SIAH1: variants seen among roughly 807,000 people sequenced by gnomAD.
SIAH1 encodes the protein E3 ubiquitin-protein ligase SIAH1.
SIAH1 carries 2 observed loss-of-function variants against 20.0 expected under a neutral mutation model. That is an observed-to-expected ratio of 0.10 (90% CI 0.04 to 0.31). The LOEUF (loss-of-function observed/expected upper bound fraction) is 0.31. SIAH1 is among the 10% of genes least tolerant of loss of function. SIAH1 has a pLI of 1.00. For synonymous variants in SIAH1, 118 were observed against 125.3 expected (o/e 0.94, Z 0.39); for missense variants, 119 against 355.3 (o/e 0.33, Z 5.35).
At chr16:48,385,018 A>AGGGGCGG (rs1218360480) in intron 1 of SIAH1, among the ~76,000 whole-genome samples, 186 bp downstream of exon 1, 1 of 146,408 alleles carries the variant, frequency 6.8e-6, no homozygotes, top group Non-Finnish European at 1.5e-5. Flanking sequence ...AAGGCAGGGG[A>AGGGGCGG]GGGGCGGGGG....
chr16:48,381,778 G>A (rs772465074), intron 1 of SIAH1, among the ~76,000 whole-genome samples: 2 of 152,176 alleles, frequency 1.3e-5, no homozygotes, highest in African/African-American at 2.4e-5. Flanking sequence ...GAAGTCAGAG[G>A]ATTTCTAGGG....
intron 1 of SIAH1, among the ~76,000 whole-genome samples, chr16:48,371,187 G>A (rs1960979031): frequency 6.6e-6 from 1 of 152,062 alleles, no homozygotes; most frequent in East Asian, 1.9e-4. Flanking sequence ...AGGCTGAAGA[G>A]GGAGGATCAG....
chr16:48,375,398 G>A (rs1265088042), intron 1 of SIAH1, among the ~76,000 whole-genome samples: 1 of 152,224 alleles, frequency 6.6e-6, no homozygotes, highest in Admixed American at 6.5e-5. Context: ...CAGCAACTTT[G>A]GGAGGCTGAG....
chr16:48,381,411 C>G (rs969752466), intron 1 of SIAH1, among the ~76,000 whole-genome samples: 3 of 152,142 alleles, frequency 2.0e-5, no homozygotes, highest in African/African-American at 4.8e-5. Flanking sequence ...TGGCATTTAC[C>G]CAAAGGAGTT....
At chr16:48,365,457 T>A (rs750493783) in intron 1 of SIAH1, 1 of 1,613,750 alleles carries the variant, frequency 6.2e-7, no homozygotes. Flanking sequence ...ACAGAGAAGG[T>A]GGAGTAGCCT....
Position 48,362,392 on chromosome 16 carries a change from T to A in SIAH1, c.37A>T (p.Thr13Ser), listed in dbSNP as rs773561407. The A allele has an allele frequency of 1.9e-6, 3 of 1,614,166 alleles. No individual in the cohort carries two copies. The highest frequency in any genetic ancestry group is 1.7e-5 in the Admixed American group (1 of 60,020). ...CTCTGGGATGGTGGACACTTCGAGG[T>A]ACCGGTAGGTAATGCTGTAGCAGTC... ...RQTATALPTG[T>S]SKCPPSQRVP... The change falls in exon 2 of 2, where the codon ACC (threonine) becomes TCC (serine). Residue 13 changes from threonine to serine, a missense_variant. Physicochemically the swap from Thr to Ser is moderately conservative, Grantham distance 58. This residue lies in a region of SIAH1 where 35 missense variants were observed against 47.5 expected (regional missense o/e 0.74). Coordinates refer to ENST00000394725, the MANE Select transcript of SIAH1 (RefSeq NM_003031.4). The surrounding 1 kb of genome is among the most constrained non-coding windows in gnomAD (Gnocchi z 4.2).
At chr16:48,365,539 T>G (rs1960803117) in intron 1 of SIAH1, 6 of 1,573,928 alleles carry the variant, frequency 3.8e-6, no homozygotes, top group Middle Eastern at 4.2e-4. Flanking sequence ...CCTCCTGGGC[T>G]CTTTCTGCTC....
At chr16:48,375,775 G>A (rs1190286768) in intron 1 of SIAH1, among the ~76,000 whole-genome samples, 1 of 152,238 alleles carries the variant, frequency 6.6e-6, no homozygotes, top group East Asian at 1.9e-4. Context: ...ATATTTTCAT[G>A]TATGTATGCA....
At chr16:48,385,949 G>C (rs1357492518), upstream of SIAH1, among the ~76,000 whole-genome samples, 2 of 152,188 alleles carry the variant, frequency 1.3e-5, no homozygotes, top group African/African-American at 4.8e-5. Context: ...GAGAGTCCCA[G>C]CCTCTCCCGA....
rs921725721 is a variant in SIAH1 at position 48,383,226 on chromosome 16, GA to G, written c.-3+1977del. Among the ~76,000 whole-genome samples, 16 of 149,726 alleles carry G rather than the reference GA, an allele frequency of 1.1e-4. 1 individual carries two copies. In the East Asian group the frequency reaches 1.2e-3, roughly 11 times the overall value. ...ATTATGTTGGAAAGATGCCAATAAC[GA>G]AAAAAAAACTGTTTGGCATAAACTT... On this transcript the variant is annotated intron_variant, in intron 1 of 1. Coordinates refer to ENST00000394725, the MANE Select transcript of SIAH1 (RefSeq NM_003031.4).
intron 1 of SIAH1, among the ~76,000 whole-genome samples, chr16:48,381,240 G>A (rs1597033941): frequency 6.6e-6 from 1 of 152,106 alleles, no homozygotes; most frequent in Non-Finnish European, 1.5e-5. Flanking sequence ...AGCTACTCAG[G>A]AGACTGAGGC....
chr16:48,374,916 CAAG>C (rs1597029096), intron 1 of SIAH1, among the ~76,000 whole-genome samples: 1 of 151,972 alleles, frequency 6.6e-6, no homozygotes, highest in Non-Finnish European at 1.5e-5. Flanking sequence ...GTGATGGGGG[CAAG>C]AAGAGTTAAA....
At chr16:48,377,607 C>G (rs1471325279) in intron 1 of SIAH1, among the ~76,000 whole-genome samples, 6 of 151,986 alleles carry the variant, frequency 3.9e-5, no homozygotes, top group Non-Finnish European at 8.8e-5. Context: ...GTTGGCCAGG[C>G]TAGTCTTGAA....
At chr16:48,381,026 T>C (rs1056772260) in intron 1 of SIAH1, among the ~76,000 whole-genome samples, 1 of 151,168 alleles carries the variant, frequency 6.6e-6, no homozygotes, top group Admixed American at 6.6e-5. Flanking sequence ...TCATTGCTTG[T>C]AGGAATGCAA....
At position 48,367,212 on chromosome 16, in the gene SIAH1, C is replaced by A. The variant is rs369741401; in HGVS notation, c.-2-4782G>T. 1.6e-3 allele frequency among the ~76,000 whole-genome samples: 240 copies of A among 152,308 alleles called. 4 individuals are homozygous for A. In the South Asian group the frequency reaches 0.021, roughly 13 times the overall value. On this transcript the variant is annotated intron_variant, in intron 1 of 1. Coordinates refer to ENST00000394725, the MANE Select transcript of SIAH1 (RefSeq NM_003031.4). The stretch of plus-strand genomic sequence containing the variant: ...ATATTTTTATTTTCTAATATTTTTT[C>A]ATTCGACAGGTCTTAAATTTCCCTA...
Position 48,385,357 on chromosome 16 carries a change from A to G in SIAH1, c.-156T>C, listed in dbSNP as rs976729463. ...GCCGCCTCTCGAGAGCGCGCCCCGC[A>G]ACGGCCGCCCCGGCTCCCCCCTGGC... On this transcript the variant is annotated 5_prime_UTR_variant, in exon 1 of 2. Transcript: ENST00000394725. The G allele has an allele frequency of 1.3e-5, 2 of 155,936 alleles. No homozygotes were observed. Among genetic ancestry groups the G allele is most frequent in the African/African-American group, 2.5e-5 (1 of 40,096 alleles). The allele number at this position is 155,936 out of a possible 1,614,324, so 9.7% of individuals were successfully genotyped here.
At chr16:48,386,286 T>C (rs1961464557), upstream of SIAH1, among the ~76,000 whole-genome samples, 1 of 152,082 alleles carries the variant, frequency 6.6e-6, no homozygotes, top group Non-Finnish European at 1.5e-5. Flanking sequence ...GCCGATGGAT[T>C]ACCTGAGGTC....
chr16:48,364,370 G>C (rs1295109170), intron 1 of SIAH1, among the ~76,000 whole-genome samples: 1 of 152,192 alleles, frequency 6.6e-6, no homozygotes, highest in Non-Finnish European at 1.5e-5. Flanking sequence ...CTTAGGTTTA[G>C]ATTACCCAAG....
chr16:48,384,876 G>A (rs931353488), intron 1 of SIAH1, among the ~76,000 whole-genome samples: 2 of 144,082 alleles, frequency 1.4e-5, no homozygotes, highest in African/African-American at 4.9e-5. Flanking sequence ...CCCGCCTCCC[G>A]GGCGCGCGGG....
Sources: allele counts gnomAD v4.1 joint callset (sites outside exome capture counted in the v4.1 genomes callset), GRCh38; gene constraint gnomAD v4.1.1; regional missense constraint gnomAD v4.1.1; non-coding constraint Gnocchi (gnomAD v3.1); transcripts MANE v1.5; gene names NCBI Gene and HGNC (gene_info 2026-07-23, HGNC 2026-07-21).